ADAM10: variants seen among roughly 807,000 people sequenced by gnomAD.
The protein encoded by ADAM10 is ADAM metallopeptidase domain 10.
Under a neutral mutation model 90.1 loss-of-function variants are expected in ADAM10, and 17 were observed. The ratio of observed to expected loss-of-function variants is 0.19; its 90% CI spans 0.13 to 0.28. The LOEUF (loss-of-function observed/expected upper bound fraction) is 0.28. Ranked by LOEUF, ADAM10 falls within the 10% of genes least tolerant of loss-of-function variation. ADAM10 has a pLI of 1.00. For missense variants in ADAM10, 610 were observed against 914.3 expected (o/e 0.67, Z 4.29); for synonymous variants, 310 against 298.6 (o/e 1.04, Z -0.40).
At chr15:58,685,545 AATATATAT>A (rs56776777) in intron 2 of ADAM10, among the ~76,000 whole-genome samples, 3,336 of 116,134 alleles carry the variant, frequency 0.029, 57 homozygotes, top group South Asian at 0.037. Flanking sequence ...TATGAAGGAG[AATATATAT>A]ATATATATAT....
intron 10 of ADAM10, among the ~76,000 whole-genome samples, chr15:58,621,943 T>C (rs1236878189): frequency 6.6e-6 from 1 of 151,582 alleles, no homozygotes; most frequent in African/African-American, 2.4e-5. Flanking sequence ...ATCACACAAA[T>C]ACAAACCAAG....
intron 10 of ADAM10, among the ~76,000 whole-genome samples, chr15:58,623,997 A>G (rs78266054): frequency 1.9e-3 from 278 of 148,558 alleles, no homozygotes; most frequent in East Asian, 0.01. Context: ...AAAAAAAAAA[A>G]GGGGGGGCCA....
intron 5 of ADAM10, among the ~76,000 whole-genome samples, chr15:58,647,246 G>GCAT (rs1896569038): frequency 2.7e-5 from 1 of 36,828 alleles, no homozygotes; most frequent in African/African-American, 7.4e-5. Flanking sequence ...TAGACACTAA[G>GCAT]TATTTTTTTT....
chr15:58,654,214 TTTA>T (rs1247872455), intron 5 of ADAM10, among the ~76,000 whole-genome samples: 4 of 152,214 alleles, frequency 2.6e-5, no homozygotes, highest in Non-Finnish European at 5.9e-5. Context: ...TGCTCTTATC[TTTA>T]TTATTATTTC....
intron 9 of ADAM10, among the ~76,000 whole-genome samples, chr15:58,632,607 C>T (rs1887847612): frequency 6.6e-6 from 1 of 152,194 alleles, no homozygotes; most frequent in East Asian, 1.9e-4. Context: ...GATCCCTGTT[C>T]TGAATCATGG....
intron 5 of ADAM10, among the ~76,000 whole-genome samples, chr15:58,648,555 G>T (rs1434163986): frequency 1.3e-5 from 2 of 151,986 alleles, no homozygotes; most frequent in African/African-American, 4.8e-5. Flanking sequence ...TTTTAAATAA[G>T]AAAACAGTCT....
chr15:58,615,923 G>A (rs1177671615), intron 11 of ADAM10, among the ~76,000 whole-genome samples: 1 of 151,950 alleles, frequency 6.6e-6, no homozygotes, highest in African/African-American at 2.4e-5. Context: ...CAGGAGAATC[G>A]CTTGAACCCG....
At chr15:58,689,060 G>C (rs1434838640) in intron 2 of ADAM10, among the ~76,000 whole-genome samples, 1 of 151,808 alleles carries the variant, frequency 6.6e-6, no homozygotes, top group African/African-American at 2.4e-5. Flanking sequence ...CAAACACCAA[G>C]AAAGATACAC....
In ADAM10 at chr15:58,748,523, C is replaced by T. The variant is rs1595677579; in HGVS notation, c.55+957G>A. ...AAATAAAAATCGTTGTCTTCAAAAC[C>T]CGAAACAAGAAATGACATGCTTTTA... is the stretch of plus-strand genomic sequence containing the variant. On this transcript the variant is annotated intron_variant, in intron 1 of 15. Transcript: ENST00000260408. 3 of 160,332 alleles carry T rather than the reference C, an allele frequency of 1.9e-5. No individual in the cohort carries two copies. In the East Asian group the frequency reaches 5.3e-4, roughly 28 times the overall value. The allele number at this position is 160,332 out of a possible 1,614,324, so 9.9% of individuals were successfully genotyped here. A position where few individuals can be genotyped will look rare whatever the true frequency, so the allele number is the denominator to read the frequency against.
chr15:58,675,853 G>T lies in ADAM10; in HGVS notation c.484+3271C>A, dbSNP rs145802775. On this transcript the variant is annotated intron_variant, in intron 4 of 15. Coordinates refer to ENST00000260408, the MANE Select transcript of ADAM10 (RefSeq NM_001110.4). ...GAGGGTAGCCAAATTCTCATCAAAA[G>T]GTATATCCAAGGTTAGTATGCCTCC... Among the ~76,000 whole-genome samples the T allele has an allele frequency of 1.3e-3, 202 of 152,158 alleles. 1 individual carries two copies. Among genetic ancestry groups the T allele is most frequent in the African/African-American group, 4.7e-3 (196 of 41,512 alleles).
At position 58,749,515 on chromosome 15, in the gene ADAM10, A is replaced by G. The variant is rs753995003; in HGVS notation, c.20T>C (p.Leu7Ser). 3.2e-6 allele frequency: 5 copies of G among 1,554,028 alleles called. No individual in the cohort carries two copies. The Admixed American group carries it at 9.7e-5, about 30-fold the overall frequency. The change falls in exon 1 of 16, where the codon TTA becomes TCA. Residue 7 changes from leucine (L) to serine (S), a missense_variant. Coordinates refer to ENST00000260408, the MANE Select transcript of ADAM10 (RefSeq NM_001110.4). Reference protein sequence around the residue: MVLLRVLILLLSWAAGM... With the variant: MVLLRVSILLLSWAAGM... ...CGCCGCCCAGGAGAGGAGCAGAATTAACACTCTCAGCAACACCATCTTCCG... is the reference window on the plus strand; with the variant it reads ...CGCCGCCCAGGAGAGGAGCAGAATTGACACTCTCAGCAACACCATCTTCCG...
Position 58,734,873 on chromosome 15 carries a change from C to G in ADAM10, c.55+14607G>C, listed in dbSNP as rs113337562. Among the ~76,000 whole-genome samples the G allele has an allele frequency of 3.5e-3, 525 of 152,160 alleles. 4 individuals carry two copies. The highest frequency in any genetic ancestry group is 0.012 in the African/African-American group (504 of 41,504). ...AGAAAAATATACATATACATATACC[C>G]TTGATTTCCACAGCTAGTGATTGAA... On this transcript the variant is annotated intron_variant, in intron 1 of 15. Transcript: ENST00000260408.
intron 2 of ADAM10, among the ~76,000 whole-genome samples, chr15:58,696,721 T>C (rs1897990231): frequency 6.6e-6 from 1 of 152,130 alleles, no homozygotes; most frequent in Non-Finnish European, 1.5e-5. Context: ...CACTTCAGCC[T>C]GGGAAAGTGC....
chr15:58,647,246 G>GTC (rs1323960397), intron 5 of ADAM10, among the ~76,000 whole-genome samples: 49 of 36,824 alleles, frequency 1.3e-3, no homozygotes, highest in African/African-American at 3.3e-3. Flanking sequence ...TAGACACTAA[G>GTC]TATTTTTTTT....
intron 9 of ADAM10, among the ~76,000 whole-genome samples, chr15:58,630,721 A>T (rs1170784981): frequency 6.6e-6 from 1 of 152,260 alleles, no homozygotes; most frequent in Non-Finnish European, 1.5e-5. Flanking sequence ...AGTAACATTG[A>T]CATTACTACA....
At chr15:58,740,290 G>C (rs1899564415) in intron 1 of ADAM10, among the ~76,000 whole-genome samples, 1 of 151,980 alleles carries the variant, frequency 6.6e-6, no homozygotes, top group East Asian at 1.9e-4. Context: ...AGTGCCTGTA[G>C]TCCCAGCTAC....
At chr15:58,665,350 T>C (rs1422149211) in intron 4 of ADAM10, among the ~76,000 whole-genome samples, 153 bp from the exon 5 acceptor site, 4 of 152,178 alleles carry the variant, frequency 2.6e-5, no homozygotes, top group Non-Finnish European at 1.5e-5. Flanking sequence ...CTAGGCATTT[T>C]AATGCTAAAA....
intron 14 of ADAM10, among the ~76,000 whole-genome samples, chr15:58,604,089 C>T (rs1337707762): frequency 1.3e-5 from 2 of 152,114 alleles, no homozygotes; most frequent in African/African-American, 2.4e-5. Context: ...TGGCCGGGCA[C>T]GGTGGCTCAT....
intron 10 of ADAM10, among the ~76,000 whole-genome samples, chr15:58,622,087 T>C (rs1443179068): frequency 1.3e-5 from 2 of 152,194 alleles, no homozygotes; most frequent in African/African-American, 4.8e-5. Context: ...TTAACAACTA[T>C]CAACAACAAT....
Sources: gnomAD v4.1 joint callset for allele counts (sites outside exome capture counted in the v4.1 genomes callset) on GRCh38, gnomAD v4.1.1 for gene constraint, MANE v1.5 for transcripts, NCBI Gene and HGNC (gene_info 2026-07-23, HGNC 2026-07-21) for gene names.